The following NPAS2 variants were observed in gnomAD, a reference collection of about 807,000 sequenced individuals.
The protein encoded by NPAS2 is neuronal PAS domain-containing protein 2.
Under a neutral mutation model 107.5 loss-of-function variants are expected in NPAS2, and 23 were observed. The ratio of observed to expected loss-of-function variants is 0.21; its 90% CI spans 0.15 to 0.30. The LOEUF is 0.30. Ranked by LOEUF, NPAS2 falls within the 10% of genes least tolerant of loss-of-function variation. The pLI is 1.00. For synonymous variants in NPAS2, 403 were observed against 417.5 expected (o/e 0.97, Z 0.42); for missense variants, 756 against 1,043.3 (o/e 0.72, Z 3.79).
intron 6 of NPAS2, among the ~76,000 whole-genome samples, chr2:100,949,042 C>A (rs1338818924): frequency 6.6e-6 from 1 of 152,184 alleles, no homozygotes; most frequent in Non-Finnish European, 1.5e-5. Context: ...TTAAAGGGAG[C>A]AGCTCTATAT....
At chr2:100,894,321 C>T (rs1681267439) in intron 1 of NPAS2, among the ~76,000 whole-genome samples, 1 of 152,202 alleles carries the variant, frequency 6.6e-6, no homozygotes, top group African/African-American at 2.4e-5. Context: ...CCATTCCCTT[C>T]TCTCCTTCCT....
intron 5 of NPAS2, 75 bp from the exon 6 acceptor site, chr2:100,948,160 T>C: frequency 6.5e-7 from 1 of 1,530,210 alleles, no homozygotes; most frequent in East Asian, 2.3e-5. Flanking sequence ...TTGTTGTGAA[T>C]GTTCAATTTT....
intron 1 of NPAS2, among the ~76,000 whole-genome samples, chr2:100,836,060 C>T (rs567279121): frequency 2.6e-5 from 4 of 152,288 alleles, no homozygotes; most frequent in Non-Finnish European, 4.4e-5. Flanking sequence ...ACCCCACTCC[C>T]GCCACCAGCC....
intron 2 of NPAS2, among the ~76,000 whole-genome samples, chr2:100,913,021 C>T (rs559045612): frequency 2.0e-4 from 31 of 152,294 alleles, no homozygotes; most frequent in African/African-American, 7.0e-4. Flanking sequence ...GAACTCACAT[C>T]TTCTGAAGTC....
At chr2:100,957,880 A>G (rs1412410983) in intron 7 of NPAS2, among the ~76,000 whole-genome samples, 6 of 152,174 alleles carry the variant, frequency 3.9e-5, no homozygotes. Flanking sequence ...GTGAGCTGAG[A>G]TCGCGCCACT....
At chr2:100,818,822 C>A (rs1435892213), upstream of NPAS2, among the ~76,000 whole-genome samples, 1 of 152,354 alleles carries the variant, frequency 6.6e-6, no homozygotes, top group African/African-American at 2.4e-5. Context: ...GAGCGGAGAC[C>A]TCGTGGGAGC....
At chr2:100,829,814 A>G (rs1676616899) in intron 1 of NPAS2, among the ~76,000 whole-genome samples, 1 of 152,224 alleles carries the variant, frequency 6.6e-6, no homozygotes, top group Non-Finnish European at 1.5e-5. Flanking sequence ...GATAAAACTC[A>G]TAAGAAATGT....
intron 1 of NPAS2, 133 bp from the exon 2 acceptor site, chr2:100,904,600 G>T: frequency 1.5e-6 from 1 of 648,694 alleles, no homozygotes; most frequent in Non-Finnish European, 2.7e-6. Context: ...AGTGTAAAGG[G>T]GTGCCAGGAC....
Position 100,964,091 on chromosome 2 carries a change from C to A in NPAS2, c.632C>A (p.Thr211Asn), listed in dbSNP as rs201271037. ...CCCTCCTGTAATGGTTTTGACAACA[C>A]CCTTTCAAGACCTTGCCGGGTGCCA... ...PSPSCNGFDN[T>N]LSRPCRVPLG... Residue 211 changes from threonine (T) to asparagine (N), a missense_variant, in exon 8 of 21, where the codon ACC (threonine) becomes AAC (asparagine). Thr to Asn is a moderately conservative substitution (Grantham distance 65). This residue lies in a region of NPAS2 where 30 missense variants were observed against 23.8 expected (regional missense o/e 1.26). Coordinates refer to ENST00000335681, the MANE Select transcript of NPAS2 (RefSeq NM_002518.4). The A allele has an allele frequency of 6.2e-7, 1 of 1,614,052 alleles. No individual in the cohort carries two copies. Among genetic ancestry groups the A allele is most frequent in the Admixed American group, 1.7e-5 (1 of 60,028 alleles).
intron 2 of NPAS2, among the ~76,000 whole-genome samples, chr2:100,910,164 C>T (rs1247606450): frequency 6.6e-6 from 1 of 152,172 alleles, no homozygotes; most frequent in East Asian, 1.9e-4. Context: ...ATCAGGAATG[C>T]ACCACTTGAA....
At chr2:100,852,593 G>A (rs1015706906) in intron 1 of NPAS2, among the ~76,000 whole-genome samples, 18 of 152,046 alleles carry the variant, frequency 1.2e-4, no homozygotes, top group African/African-American at 4.1e-4. Flanking sequence ...CCACAAACCT[G>A]TCCTTGTCTA....
intron 1 of NPAS2, among the ~76,000 whole-genome samples, chr2:100,886,170 G>A (rs2104664987): frequency 6.6e-6 from 1 of 152,302 alleles, no homozygotes; most frequent in Non-Finnish European, 1.5e-5. Flanking sequence ...ATTGCAGAAG[G>A]CTCGTTAGTG....
chr2:100,858,734 T>G (rs947532204), intron 1 of NPAS2, among the ~76,000 whole-genome samples: 1 of 152,338 alleles, frequency 6.6e-6, no homozygotes, highest in East Asian at 1.9e-4. Context: ...ATTTTTTTAA[T>G]CACCTTCTCC....
intron 1 of NPAS2, among the ~76,000 whole-genome samples, chr2:100,891,401 A>G (rs1459257800): frequency 1.3e-5 from 2 of 152,154 alleles, no homozygotes; most frequent in African/African-American, 2.4e-5. Flanking sequence ...AGCATTGGAC[A>G]TACTTGACCA....
In NPAS2 at chr2:100,951,109, T is replaced by C. The variant is rs557345887; in HGVS notation, c.598+1629T>C. On this transcript the variant is annotated intron_variant, in intron 7 of 20. Transcript: ENST00000335681. ...GAGGGTAGGACCCAGGAATGTGCCG[T>C]TGGGGAGTACTGTGGGGTTCTGGTT... is the stretch of plus-strand genomic sequence containing the variant. Among the ~76,000 whole-genome samples, 10 of 152,158 alleles carry C rather than the reference T, an allele frequency of 6.6e-5. No homozygotes were observed. The South Asian group carries it at 1.5e-3, about 22-fold the overall frequency.
At chr2:100,877,488 G>A (rs1680054164) in intron 1 of NPAS2, among the ~76,000 whole-genome samples, 1 of 150,498 alleles carries the variant, frequency 6.6e-6, no homozygotes, top group African/African-American at 2.4e-5. Flanking sequence ...AAATAAGAGA[G>A]CTTTCTGGAA....
chr2:100,978,046 G>A (rs1229996242), intron 15 of NPAS2, among the ~76,000 whole-genome samples: 1 of 152,104 alleles, frequency 6.6e-6, no homozygotes, highest in Non-Finnish European at 1.5e-5. Flanking sequence ...GGGAACAGGT[G>A]GTGTTTGATT....
Position 100,996,658 on chromosome 2 carries a change from C to T in NPAS2, c.*1076C>T, listed in dbSNP as rs1678453347. ...ATAAGATGAAGCGTAGTGAATTGTA[C>T]AGCTGTTGTAATAATGACCTATTTC... On this transcript the variant is annotated 3_prime_UTR_variant, in exon 21 of 21. Coordinates refer to ENST00000335681, the MANE Select transcript of NPAS2 (RefSeq NM_002518.4). 2 of 152,590 alleles carry T rather than the reference C, an allele frequency of 1.3e-5. No homozygotes were observed. The highest frequency in any genetic ancestry group is 1.3e-4 in the Admixed American group (2 of 15,276). The allele number at this position is 152,590 out of a possible 1,614,324, so 9.5% of individuals were successfully genotyped here.
chr2:100,910,190 T>C lies in NPAS2; in HGVS notation c.32+5404T>C, dbSNP rs77851504. 4.1e-3 allele frequency among the ~76,000 whole-genome samples: 629 copies of C among 152,360 alleles called. 2 individuals carry two copies. Among genetic ancestry groups the C allele is most frequent in the Non-Finnish European group, 7.3e-3 (499 of 68,024 alleles). ...ACCACTTGAAAATGCTGCCTTTCTT[T>C]AGAAAAGGCTAAACGTTTCTTTTTA... On this transcript the variant is annotated intron_variant, in intron 2 of 20. Transcript: ENST00000335681.
Sources: allele counts gnomAD v4.1 joint callset (sites outside exome capture counted in the v4.1 genomes callset), GRCh38; gene constraint gnomAD v4.1.1; regional missense constraint gnomAD v4.1.1; transcripts MANE v1.5; gene names NCBI Gene and HGNC (gene_info 2026-07-23, HGNC 2026-07-21).